Variants in MAP1B observed in about 807,000 individuals in gnomAD.
MAP1B encodes microtubule-associated protein 1B.
Under a neutral mutation model 176.1 loss-of-function variants are expected in MAP1B, and 12 were observed. The observed-to-expected ratio is 0.07, with a 90% CI of 0.04 to 0.11. The LOEUF (loss-of-function observed/expected upper bound fraction) is 0.11, where lower values mean the gene tolerates loss of function less well. Ranked by LOEUF, MAP1B falls within the 10% of genes least tolerant of loss-of-function variation. MAP1B has a pLI of 1.00. For missense variants in MAP1B, 2,523 were observed against 2,990.5 expected (o/e 0.84, Z 3.65); for synonymous variants, 1,044 against 1,135.0 (o/e 0.92, Z 1.61).
chr5:72,114,548 T>G, intron 1 of MAP1B, among the ~76,000 whole-genome samples: 1 of 152,262 alleles, frequency 6.6e-6, no homozygotes, highest in Non-Finnish European at 1.5e-5. Context: ...GGTACAATGA[T>G]GGATACCACA....
intron 1 of MAP1B, among the ~76,000 whole-genome samples, chr5:72,112,724 T>C (rs1745365489): frequency 6.6e-6 from 1 of 152,124 alleles, no homozygotes; most frequent in Admixed American, 6.6e-5. Context: ...GCTCCAGACA[T>C]TGAAAGAATG....
chr5:72,166,548 G>A (rs138536696), intron 2 of MAP1B, among the ~76,000 whole-genome samples: 11 of 152,318 alleles, frequency 7.2e-5, no homozygotes, highest in African/African-American at 2.4e-4. Flanking sequence ...ACTCAGAGGT[G>A]TCTTCCTGAT....
At chr5:72,108,500 G>C (rs924580854) in intron 1 of MAP1B, among the ~76,000 whole-genome samples, 10 of 152,232 alleles carry the variant, frequency 6.6e-5, no homozygotes, top group African/African-American at 2.4e-4. Context: ...ACGTCAGCGG[G>C]TAGGGTCAGC....
rs763150136 is a variant in MAP1B, at chr5:72,195,090, A to G, written c.1735A>G (p.Lys579Glu). 3.1e-6 allele frequency: 5 copies of G among 1,614,084 alleles called. No homozygotes were observed. The South Asian group carries it at 3.3e-5, about 11-fold the overall frequency. Residue 579 changes from lysine (K) to glutamate (E), a missense_variant, in exon 5 of 7, where the codon AAA becomes GAA. Lys to Glu is a moderately conservative substitution (Grantham distance 56). Coordinates refer to ENST00000296755, the MANE Select transcript of MAP1B (RefSeq NM_005909.5). ...TKVNHVEKPP[K>E]VESKEKVMVK... ...AGTGAATCACGTGGAAAAGCCACCCAAAGTTGAAAGCAAAGAAAAGGTAAT... is the reference window on the plus strand; with the variant it reads ...AGTGAATCACGTGGAAAAGCCACCCGAAGTTGAAAGCAAAGAAAAGGTAAT...
intron 2 of MAP1B, among the ~76,000 whole-genome samples, chr5:72,123,813 T>C (rs1745574502): frequency 6.6e-6 from 1 of 152,136 alleles, no homozygotes; most frequent in Non-Finnish European, 1.5e-5. Context: ...AATTATTTTG[T>C]AGAGAAGGAG....
chr5:72,127,544 C>A (rs1329701099), intron 2 of MAP1B, among the ~76,000 whole-genome samples: 1 of 151,956 alleles, frequency 6.6e-6, no homozygotes, highest in Non-Finnish European at 1.5e-5. Flanking sequence ...CACCATGGCA[C>A]GTGTATACCT....
At chr5:72,143,449 G>C (rs757477081) in intron 2 of MAP1B, among the ~76,000 whole-genome samples, 2 of 152,166 alleles carry the variant, frequency 1.3e-5, no homozygotes, top group Non-Finnish European at 2.9e-5. Flanking sequence ...TATATTTGCA[G>C]TGTCTTCTTG....
At chr5:72,113,219 C>T (rs1468336797) in intron 1 of MAP1B, among the ~76,000 whole-genome samples, 1 of 152,014 alleles carries the variant, frequency 6.6e-6, no homozygotes, top group African/African-American at 2.4e-5. Flanking sequence ...CAAAATTTTC[C>T]TTTCCAACTA....
intron 2 of MAP1B, chr5:72,116,518 A>G (rs1579979884): frequency 2.7e-6 from 1 of 375,866 alleles, no homozygotes; most frequent in Non-Finnish European, 5.0e-6. Context: ...TCCTGGGGCT[A>G]TGATCTGACC....
intron 2 of MAP1B, among the ~76,000 whole-genome samples, chr5:72,121,634 CACGGGTT>C (rs1200827644): frequency 6.6e-6 from 1 of 152,156 alleles, no homozygotes; most frequent in Non-Finnish European, 1.5e-5. Context: ...ATTAATGAGG[CACGGGTT>C]ACAACTAATA....
At chr5:72,155,131 T>C (rs1230711707) in intron 2 of MAP1B, among the ~76,000 whole-genome samples, 1 of 152,210 alleles carries the variant, frequency 6.6e-6, no homozygotes, top group Non-Finnish European at 1.5e-5. Context: ...ACAGCATATA[T>C]TATTTTCTAA....
chr5:72,182,917 G>C (rs1324735294), intron 2 of MAP1B, among the ~76,000 whole-genome samples: 1 of 152,180 alleles, frequency 6.6e-6, no homozygotes, highest in African/African-American at 2.4e-5. Flanking sequence ...TGTCCAGGGA[G>C]GGGGAGTCTT....
At chr5:72,107,773 C>A in intron 1 of MAP1B, 58 bp downstream of exon 1, 1 of 1,571,454 alleles carries the variant, frequency 6.4e-7, no homozygotes, top group Non-Finnish European at 8.6e-7. Context: ...CACGACCCCA[C>A]CCAGGGCGCG....
intron 2 of MAP1B, among the ~76,000 whole-genome samples, chr5:72,158,094 G>A (rs1164162148): frequency 2.0e-5 from 3 of 146,656 alleles, no homozygotes; most frequent in African/African-American, 7.6e-5. Context: ...TGCAGGCTCC[G>A]CCCCCCGGGG....
Position 72,129,505 on chromosome 5 carries a change from C to T in MAP1B, c.286+13706C>T, listed in dbSNP as rs74915711. On this transcript the variant is annotated intron_variant, in intron 2 of 6. Transcript: ENST00000296755. ...CTGGGAGGCAGAGGTTGCAGTGAGCCGAGATTGTGCCACTGCACTCTAGCC... is the reference window on the plus strand; with the variant it reads ...CTGGGAGGCAGAGGTTGCAGTGAGCTGAGATTGTGCCACTGCACTCTAGCC... Among the ~76,000 whole-genome samples, 114 of 151,856 alleles carry T rather than the reference C, an allele frequency of 7.5e-4. 2 individuals carry two copies. The East Asian group carries it at 0.021, about 28-fold the overall frequency.
intron 2 of MAP1B, among the ~76,000 whole-genome samples, chr5:72,158,029 A>C (rs1746258619): frequency 1.1e-5 from 1 of 87,598 alleles, no homozygotes. Context: ...TTTTTTTTTG[A>C]GATGGAGTCT....
chr5:72,177,607 A>C (rs1561307447), intron 2 of MAP1B, among the ~76,000 whole-genome samples: 1 of 152,154 alleles, frequency 6.6e-6, no homozygotes. Context: ...ACCAGCTCCC[A>C]TTCTCTTCAA....
intron 2 of MAP1B, among the ~76,000 whole-genome samples, chr5:72,158,005 A>AC (rs1746257057): frequency 2.1e-5 from 2 of 95,882 alleles, no homozygotes; most frequent in African/African-American, 7.4e-5. Flanking sequence ...ACACCTGGCT[A>AC]ATTTTTTTTT....
At chr5:72,149,761 G>A (rs1047684706) in intron 2 of MAP1B, among the ~76,000 whole-genome samples, 1 of 152,206 alleles carries the variant, frequency 6.6e-6, no homozygotes, top group Non-Finnish European at 1.5e-5. Context: ...GGGCAAAAGG[G>A]AAGAACTTCT....
Sources: gnomAD v4.1 joint callset for allele counts (sites outside exome capture counted in the v4.1 genomes callset) on GRCh38, gnomAD v4.1.1 for gene constraint, MANE v1.5 for transcripts, NCBI Gene and HGNC (gene_info 2026-07-23, HGNC 2026-07-21) for gene names.